SEMA4D: variants seen among roughly 807,000 people sequenced by gnomAD.
SEMA4D encodes the protein semaphorin-4D.
A neutral mutation model predicts 74.8 loss-of-function variants in SEMA4D; 22 were observed. The observed-to-expected ratio is 0.29, with a 90% CI of 0.21 to 0.42. The LOEUF is 0.42. Among genes scored for constraint, SEMA4D ranks in the 10% least tolerant of loss-of-function variants. The pLI is 1.00. For missense variants in SEMA4D, 937 were observed against 1,118.4 expected (o/e 0.84, Z 2.31); for synonymous variants, 445 against 463.7 (o/e 0.96, Z 0.52).
intron 2 of SEMA4D, among the ~76,000 whole-genome samples, chr9:89,444,212 T>C (rs533714358): frequency 6.6e-6 from 1 of 152,232 alleles, no homozygotes; most frequent in African/African-American, 2.4e-5. Context: ...CACCTTGGCC[T>C]CCCTCCCCAC....
chr9:89,388,211 C>G (rs1200760672), intron 11 of SEMA4D, among the ~76,000 whole-genome samples: 1 of 152,166 alleles, frequency 6.6e-6, no homozygotes, highest in East Asian at 1.9e-4. Flanking sequence ...CCTGTCACAC[C>G]CATTTCCCCA....
rs2132752733 is a variant in SEMA4D at position 89,381,752 on chromosome 9, G to C, written c.1447-406C>G. ...TTCCCGGCCTCACTATAGGTGAGAA[G>C]GGGCTGCAGCCAGAGGCTGAAGCAC... is the stretch of plus-strand genomic sequence containing the variant. On this transcript the variant is annotated intron_variant, in intron 13 of 15. Coordinates refer to ENST00000422704, the MANE Select transcript of SEMA4D (RefSeq NM_001371194.2). This position sits in a 1 kb window ranked among gnomAD's most constrained non-coding sequence, Gnocchi z 4.6. The C allele has an allele frequency of 6.2e-6, 1 of 160,368 alleles. No homozygotes were observed. Among genetic ancestry groups the C allele is most frequent in the Middle Eastern group, 3.0e-3 (1 of 332 alleles). The allele number at this position is 160,368 out of a possible 1,614,324, so 9.9% of individuals were successfully genotyped here. A position where few individuals can be genotyped will look rare whatever the true frequency, so the allele number is the denominator to read the frequency against.
Position 89,379,272 on chromosome 9 carries a change from A to G in SEMA4D, c.2021T>C (p.Val674Ala). ...GGGAGAAGACCCTTGGGTGGATGCC[A>G]CCAACACTTTGGTGGCAATCCTACT... ...EGSRIATKVL[V>A]ASTQGSSPPT... Residue 674 changes from valine (V) to alanine (A), a missense_variant, in exon 16 of 16, where the codon GTG becomes GCG. Physicochemically the swap from Val to Ala is moderately conservative, Grantham distance 64. Coordinates refer to ENST00000422704, the MANE Select transcript of SEMA4D (RefSeq NM_001371194.2). 6.2e-7 allele frequency: 1 copy of G among 1,614,120 alleles called. No homozygotes were observed. The highest frequency in any genetic ancestry group is 8.5e-7 in the Non-Finnish European group (1 of 1,180,022).
At chr9:89,415,859 A>C (rs750557180) in intron 2 of SEMA4D, among the ~76,000 whole-genome samples, 14 of 152,212 alleles carry the variant, frequency 9.2e-5, no homozygotes, top group South Asian at 4.1e-4. Context: ...AGAATGCCAA[A>C]GGTCGGTCAC....
intron 1 of SEMA4D, among the ~76,000 whole-genome samples, chr9:89,491,148 G>C (rs1376048691): frequency 6.6e-6 from 1 of 152,206 alleles, no homozygotes; most frequent in Non-Finnish European, 1.5e-5. Flanking sequence ...CACGTGGAAA[G>C]CACCCCAAGT....
At chr9:89,447,373 G>A (rs914571924) in intron 2 of SEMA4D, among the ~76,000 whole-genome samples, 27 of 151,780 alleles carry the variant, frequency 1.8e-4, no homozygotes, top group Admixed American at 1.7e-3. Flanking sequence ...CAAGCTTCCT[G>A]TGTCCCCAAA....
chr9:89,407,376 C>A (rs1843545154), intron 2 of SEMA4D, among the ~76,000 whole-genome samples: 1 of 152,096 alleles, frequency 6.6e-6, no homozygotes, highest in Non-Finnish European at 1.5e-5. Flanking sequence ...GCCATGCTGT[C>A]AACATGAAGA....
At chr9:89,443,002 G>A (rs953554666) in intron 2 of SEMA4D, among the ~76,000 whole-genome samples, 5 of 152,218 alleles carry the variant, frequency 3.3e-5, no homozygotes, top group African/African-American at 1.2e-4. Context: ...CCAGGACCGT[G>A]CTCAGCAGCA....
At chr9:89,439,170 CAT>C (rs1004660668) in intron 2 of SEMA4D, among the ~76,000 whole-genome samples, 1 of 151,856 alleles carries the variant, frequency 6.6e-6, no homozygotes, top group Non-Finnish European at 1.5e-5. Context: ...TTATTAGAGA[CAT>C]GTTTCCACCA....
chr9:89,404,935 G>C (rs59435638), intron 3 of SEMA4D, among the ~76,000 whole-genome samples: 1,293 of 14,304 alleles, frequency 0.09, 5 homozygotes, highest in African/African-American at 0.17. Context: ...CCATCCCATC[G>C]CCAGCCACCC....
intron 2 of SEMA4D, among the ~76,000 whole-genome samples, chr9:89,433,610 A>G (rs1467626037): frequency 6.6e-6 from 1 of 152,136 alleles, no homozygotes; most frequent in African/African-American, 2.4e-5. Context: ...CCCCTCTGGG[A>G]GGGACCTCCC....
chr9:89,453,365 G>A (rs1855094100), intron 2 of SEMA4D, among the ~76,000 whole-genome samples: 2 of 152,256 alleles, frequency 1.3e-5, no homozygotes, highest in Admixed American at 1.3e-4. Flanking sequence ...AAGAGTTTGG[G>A]TCTAAGAAAT....
intron 1 of SEMA4D, among the ~76,000 whole-genome samples, chr9:89,462,503 T>G (rs1857486245): frequency 2.0e-5 from 3 of 152,200 alleles, no homozygotes. Flanking sequence ...CATACCCACT[T>G]AAGGAGAGCT....
At chr9:89,476,528 G>A (rs1861786664) in intron 1 of SEMA4D, among the ~76,000 whole-genome samples, 1 of 152,160 alleles carries the variant, frequency 6.6e-6, no homozygotes, top group African/African-American at 2.4e-5. Flanking sequence ...GAATAGCACA[G>A]GCTGACCTCC....
chr9:89,397,419 C>A (rs1267623784), intron 5 of SEMA4D, among the ~76,000 whole-genome samples: 1 of 152,190 alleles, frequency 6.6e-6, no homozygotes, highest in African/African-American at 2.4e-5. Flanking sequence ...ACTAGGTCTA[C>A]CCAACCCAGG....
chr9:89,430,621 C>T (rs1340672212), intron 2 of SEMA4D, among the ~76,000 whole-genome samples: 2 of 152,210 alleles, frequency 1.3e-5, no homozygotes, highest in African/African-American at 4.8e-5. Context: ...CAGAGAGATG[C>T]CCTGCCCAGG....
At chr9:89,391,604 A>T (rs530026172) in intron 8 of SEMA4D, among the ~76,000 whole-genome samples, 189 bp from the exon 9 acceptor site, 3 of 152,216 alleles carry the variant, frequency 2.0e-5, no homozygotes, top group Non-Finnish European at 4.4e-5. Flanking sequence ...CCCTGAGCCC[A>T]GATGGTGCCC....
chr9:89,402,647 T>G (rs1046537050), intron 4 of SEMA4D, among the ~76,000 whole-genome samples: 1 of 149,876 alleles, frequency 6.7e-6, no homozygotes, highest in Non-Finnish European at 1.5e-5. Flanking sequence ...TCTCTGCTCA[T>G]AGGTATGTTT....
At chr9:89,447,115 C>T (rs1044264820) in intron 2 of SEMA4D, among the ~76,000 whole-genome samples, 1 of 152,078 alleles carries the variant, frequency 6.6e-6, no homozygotes, top group Non-Finnish European at 1.5e-5. Context: ...ATCGGTCCTT[C>T]CAATCTCGAT....
Sources: allele counts gnomAD v4.1 joint callset (sites outside exome capture counted in the v4.1 genomes callset), GRCh38; gene constraint gnomAD v4.1.1; non-coding constraint Gnocchi (gnomAD v3.1); transcripts MANE v1.5; gene names NCBI Gene and HGNC (gene_info 2026-07-23, HGNC 2026-07-21).